Variants in KRIT1 observed in about 807,000 individuals in gnomAD.
KRIT1 encodes KRIT1 ankyrin repeat containing, also known as krev interaction trapped protein 1.
Under a neutral mutation model 95.8 loss-of-function variants are expected in KRIT1, and 45 were observed. The observed-to-expected ratio is 0.47, with a 90% CI of 0.37 to 0.60. The LOEUF is 0.60. KRIT1 is among the 20% of genes least tolerant of loss of function. The pLI is 0.00. For missense variants in KRIT1, 788 were observed against 877.5 expected, an observed-to-expected ratio of 0.90 and a Z score of 1.29; for synonymous variants, 282 against 278.8, an observed-to-expected ratio of 1.01 and a Z score of -0.11.
rs1171477774 is a variant in KRIT1, at chr7:92,245,191, T to C, written c.-420-20A>G. 1 of 150,116 alleles carries C rather than the reference T, an allele frequency of 6.7e-6. No homozygotes were observed. The highest frequency in any genetic ancestry group is 1.5e-5 in the Non-Finnish European group (1 of 67,698). The allele number at this position is 150,116 out of a possible 1,614,324, so 9.3% of individuals were successfully genotyped here. The stretch of plus-strand genomic sequence containing the variant: ...AAAAACCTTAAAAGGTGGAGAAAAG[T>C]GTAGAGGCGAGAAGTGAGTTACAGG... On this transcript the variant is annotated intron_variant, in intron 1 of 18. Coordinates refer to ENST00000394505, the MANE Select transcript of KRIT1 (RefSeq NM_194454.3).
At chr7:92,239,210 G>A (rs1047928896) in intron 5 of KRIT1, among the ~76,000 whole-genome samples, 6 of 151,798 alleles carry the variant, frequency 4.0e-5, no homozygotes, top group South Asian at 2.1e-4. Flanking sequence ...ACTGTCACTC[G>A]TAACTCCTCC....
chr7:92,236,578 A>T, intron 6 of KRIT1, 36 bp from the exon 7 acceptor site: 2 of 1,363,414 alleles, frequency 1.5e-6, no homozygotes, highest in Non-Finnish European at 1.0e-6. Flanking sequence ...GCTACCATAT[A>T]AAAGGTTTAC....
At chr7:92,243,965 G>A (rs1047107763) in intron 3 of KRIT1, 37 bp downstream of exon 3, 16 of 151,942 alleles carry the variant, frequency 1.1e-4, no homozygotes, top group Admixed American at 7.2e-4. Context: ...ATTTTTTTCA[G>A]TTCAATTTTT....
chr7:92,214,523 A>G (rs1186469452), intron 15 of KRIT1, 88 bp downstream of exon 15: 1 of 973,978 alleles, frequency 1.0e-6, no homozygotes, highest in Non-Finnish European at 1.6e-6. Flanking sequence ...TGTAATGTAT[A>G]AATATTTTCT....
chr7:92,242,116 A>G lies in KRIT1; in HGVS notation c.20T>C (p.Ile7Thr), dbSNP rs1218350640. MGNPENIEDAYVAVIRP... is the reference protein window; with the variant it reads MGNPENTEDAYVAVIRP... ...AATAACAGCAACATATGCATCTTCT[A>G]TGTTTTCTGGATTTCCCATTGCTTT... The change falls in exon 4 of 19, where the codon ATA becomes ACA. Residue 7 changes from isoleucine (I) to threonine (T), a missense_variant. Ile to Thr is a moderately conservative substitution (Grantham distance 89). This residue lies in a region of KRIT1 where 289 missense variants were observed against 277.5 expected (regional missense o/e 1.04). Transcript: ENST00000394505. 1.9e-6 allele frequency: 3 copies of G among 1,596,924 alleles called. No individual in the cohort carries two copies. The highest frequency in any genetic ancestry group is 2.2e-5 in the East Asian group (1 of 44,704).
intron 6 of KRIT1, among the ~76,000 whole-genome samples, 181 bp downstream of exon 6, chr7:92,237,486 C>A (rs946834611): frequency 6.6e-6 from 1 of 152,008 alleles, no homozygotes; most frequent in Non-Finnish European, 1.5e-5. Flanking sequence ...AGCCAAGAAG[C>A]CTGTATATTA....
Position 92,213,682 on chromosome 7 carries a change from T to C in KRIT1, c.1818+210A>G, listed in dbSNP as rs1298006980. Among the ~76,000 whole-genome samples the C allele has an allele frequency of 2.0e-5, 3 of 152,158 alleles. 1 individual carries two copies. The South Asian group carries it at 6.2e-4, about 32-fold the overall frequency. ...TTTATCTTTAGTCCTTACCACAGTA[T>C]TTGGCATGTTGAAGGTATTCAGTAA... On this transcript the variant is annotated intron_variant, in intron 16 of 18. Transcript: ENST00000394505.
chr7:92,202,352 T>C (rs1278949501), intron 17 of KRIT1: 12 of 152,192 alleles, frequency 7.9e-5, no homozygotes. Context: ...GAACTATTTA[T>C]AAAGCAGTAT....
intron 5 of KRIT1, 110 bp downstream of exon 5, chr7:92,240,883 A>G: frequency 1.1e-6 from 1 of 900,494 alleles, no homozygotes; most frequent in Non-Finnish European, 1.8e-6. Context: ...CAAGTTTGTT[A>G]AATGTAAAGG....
intron 14 of KRIT1, among the ~76,000 whole-genome samples, chr7:92,221,230 G>T (rs1795077872): frequency 6.6e-6 from 1 of 152,108 alleles, no homozygotes; most frequent in Admixed American, 6.5e-5. Flanking sequence ...GAAGCCAAGA[G>T]TTCAAGACCA....
At chr7:92,241,797 A>G (rs1242177633) in intron 4 of KRIT1, among the ~76,000 whole-genome samples, 1 of 152,214 alleles carries the variant, frequency 6.6e-6, no homozygotes. Flanking sequence ...GAAAACTGAA[A>G]GCTATATATT....
At chr7:92,208,809 A>G (rs1792126750) in intron 17 of KRIT1, among the ~76,000 whole-genome samples, 1 of 152,204 alleles carries the variant, frequency 6.6e-6, no homozygotes, top group African/African-American at 2.4e-5. Flanking sequence ...AAAATGGACC[A>G]AAAAACTGAA....
At chr7:92,223,273 C>CAAAAAAAA (rs568078150) in intron 12 of KRIT1, among the ~76,000 whole-genome samples, 6 of 42,086 alleles carry the variant, frequency 1.4e-4, no homozygotes, top group African/African-American at 2.2e-4. Flanking sequence ...ACTAAAAATA[C>CAAAAAAAA]AAAAAAAAAA....
chr7:92,232,962 G>C (rs546414413), intron 10 of KRIT1, among the ~76,000 whole-genome samples: 1 of 152,182 alleles, frequency 6.6e-6, no homozygotes, highest in South Asian at 2.1e-4. Flanking sequence ...CAAAGTGCTG[G>C]GATTACAGGT....
At chr7:92,203,385 C>T (rs192419580) in intron 17 of KRIT1, among the ~76,000 whole-genome samples, 71 of 152,278 alleles carry the variant, frequency 4.7e-4, no homozygotes, top group African/African-American at 1.5e-3. Context: ...ATAAATTTAT[C>T]AGTGGTTTAC....
intron 17 of KRIT1, among the ~76,000 whole-genome samples, 160 bp downstream of exon 17, chr7:92,213,035 C>A (rs894998985): frequency 2.0e-5 from 3 of 152,072 alleles, no homozygotes; most frequent in African/African-American, 7.2e-5. Flanking sequence ...AATATTAACG[C>A]CTTACTGACA....
At chr7:92,214,931 A>G (rs975694845) in intron 14 of KRIT1, among the ~76,000 whole-genome samples, 154 bp from the exon 15 acceptor site, 3 of 152,220 alleles carry the variant, frequency 2.0e-5, no homozygotes, top group African/African-American at 7.2e-5. Context: ...ATTAAGGCCC[A>G]GAGAGTAGTA....
At chr7:92,236,334 GTC>G in intron 7 of KRIT1, 77 bp downstream of exon 7, 2 of 920,998 alleles carry the variant, frequency 2.2e-6, no homozygotes, top group South Asian at 2.8e-5. Context: ...TTCTCAAAGT[GTC>G]TGTATCTATG....
In KRIT1 at chr7:92,244,884, T is replaced by C. The variant is rs1378454434; in HGVS notation, c.-151+18A>G. 6.6e-6 allele frequency: 1 copy of C among 152,162 alleles called. No homozygotes were observed. Among genetic ancestry groups the C allele is most frequent in the Non-Finnish European group, 1.5e-5 (1 of 68,026 alleles). The allele number at this position is 152,162 out of a possible 1,614,324, so 9.4% of individuals were successfully genotyped here. A position where few individuals can be genotyped will look rare whatever the true frequency, so the allele number is the denominator to read the frequency against. ...TAAAGCAGTGGAAGTGGTCCTTAAT[T>C]AGGGGGGTGGCACCTACCTGGGATC... On this transcript the variant is annotated intron_variant, in intron 2 of 18. Transcript: ENST00000394505.
Sources: allele counts gnomAD v4.1 joint callset (sites outside exome capture counted in the v4.1 genomes callset), GRCh38; gene constraint gnomAD v4.1.1; regional missense constraint gnomAD v4.1.1; transcripts MANE v1.5; gene names NCBI Gene and HGNC (gene_info 2026-07-23, HGNC 2026-07-21).